Variants in SORCS2 observed in about 807,000 individuals in gnomAD.
The protein encoded by SORCS2 is VPS10 domain-containing receptor SorCS2.
A neutral mutation model predicts 141.6 loss-of-function variants in SORCS2; 100 were observed. The ratio of observed to expected loss-of-function variants is 0.71; its 90% confidence interval spans 0.60 to 0.83. The LOEUF (loss-of-function observed/expected upper bound fraction) is 0.83. Among genes scored for constraint, SORCS2 ranks in the 40% least tolerant of loss-of-function variants. The pLI, the probability that SORCS2 is intolerant of heterozygous loss-of-function variation, is 0.00. For missense variants in SORCS2, 1,646 were observed against 1,560.2 expected (o/e 1.05, Z -0.93); for synonymous variants, 789 against 676.9 (o/e 1.17, Z -2.57).
At chr4:7,675,299 C>T (rs1293363406) in intron 8 of SORCS2, among the ~76,000 whole-genome samples, 1 of 152,206 alleles carries the variant, frequency 6.6e-6, no homozygotes, top group Non-Finnish European at 1.5e-5. Context: ...GCCCTGGCTG[C>T]CCTTCAACCT....
chr4:7,512,864 C>G (rs1259432216), intron 2 of SORCS2, among the ~76,000 whole-genome samples: 1 of 152,210 alleles, frequency 6.6e-6, no homozygotes, highest in Non-Finnish European at 1.5e-5. Context: ...AGCTTCCTTC[C>G]AAAGCCCAGG....
chr4:7,569,226 A>C (rs1412926593), intron 3 of SORCS2, among the ~76,000 whole-genome samples: 1 of 152,184 alleles, frequency 6.6e-6, no homozygotes, highest in Non-Finnish European at 1.5e-5. Context: ...AGAAATATCC[A>C]CAGAGGCTGG....
At chr4:7,342,944 T>A (rs78305666) in intron 1 of SORCS2, among the ~76,000 whole-genome samples, 3,701 of 152,274 alleles carry the variant, frequency 0.024, 156 homozygotes, top group African/African-American at 0.083. Flanking sequence ...CCAAGGTCTC[T>A]GTCCTGGCTG....
At chr4:7,326,659 C>A (rs1719281538) in intron 1 of SORCS2, among the ~76,000 whole-genome samples, 1 of 152,260 alleles carries the variant, frequency 6.6e-6, no homozygotes, top group Non-Finnish European at 1.5e-5. Context: ...TGGGTACACA[C>A]CACAGTGATG....
At chr4:7,308,786 T>C (rs1300063629) in intron 1 of SORCS2, among the ~76,000 whole-genome samples, 3 of 151,294 alleles carry the variant, frequency 2.0e-5, no homozygotes, top group Non-Finnish European at 3.0e-5. Flanking sequence ...CCTCTCTCTC[T>C]AGCACCCTGT....
chr4:7,651,318 G>C (rs1429838958), intron 4 of SORCS2, among the ~76,000 whole-genome samples: 3 of 152,224 alleles, frequency 2.0e-5, no homozygotes, highest in Non-Finnish European at 4.4e-5. Flanking sequence ...AGGATTGTCA[G>C]CCCAGTTTTA....
chr4:7,463,818 T>C (rs1263659589), intron 2 of SORCS2, among the ~76,000 whole-genome samples: 1 of 152,130 alleles, frequency 6.6e-6, no homozygotes, highest in Non-Finnish European at 1.5e-5. Flanking sequence ...TACATACTGA[T>C]GCGTGCCGGA....
At chr4:7,678,639 G>A (rs986238333) in intron 9 of SORCS2, among the ~76,000 whole-genome samples, 7 of 150,154 alleles carry the variant, frequency 4.7e-5, no homozygotes, top group Admixed American at 4.7e-4. Flanking sequence ...ACACACACAG[G>A]CCTCAAGGTG....
chr4:7,358,270 G>C (rs1415291806), intron 1 of SORCS2, among the ~76,000 whole-genome samples: 1 of 152,256 alleles, frequency 6.6e-6, no homozygotes, highest in Non-Finnish European at 1.5e-5. Flanking sequence ...CCTGCTGCAT[G>C]CCAGGCACTT....
At chr4:7,457,253 C>T (rs1366644251) in intron 2 of SORCS2, among the ~76,000 whole-genome samples, 2 of 152,212 alleles carry the variant, frequency 1.3e-5, no homozygotes, top group Non-Finnish European at 2.9e-5. Context: ...CTGTCATCTC[C>T]ATGTAGATGG....
At chr4:7,526,835 A>C (rs1733727001) in intron 2 of SORCS2, among the ~76,000 whole-genome samples, 1 of 152,250 alleles carries the variant, frequency 6.6e-6, no homozygotes, top group Admixed American at 6.5e-5. Flanking sequence ...ATGGGTTTAA[A>C]ATAAAGAACA....
chr4:7,724,000 G>A (rs1011636549), intron 19 of SORCS2, 117 bp downstream of exon 19: 3 of 1,242,872 alleles, frequency 2.4e-6, no homozygotes, highest in Admixed American at 2.9e-5. Context: ...ACTCAGGACG[G>A]TGAACCCGAG....
At chr4:7,449,495 C>T (rs1176106471) in intron 2 of SORCS2, among the ~76,000 whole-genome samples, 8 of 148,222 alleles carry the variant, frequency 5.4e-5, no homozygotes, top group East Asian at 2.1e-4. Flanking sequence ...TACCACGTGA[C>T]GTTGTGCCTC....
chr4:7,467,257 A>T (rs1017937882), intron 2 of SORCS2, among the ~76,000 whole-genome samples: 43 of 152,266 alleles, frequency 2.8e-4, no homozygotes, highest in Non-Finnish European at 5.9e-4. Context: ...CACAGCCCCC[A>T]CGCTGCTGCC....
intron 1 of SORCS2, among the ~76,000 whole-genome samples, chr4:7,224,760 C>G (rs1001807683): frequency 6.6e-6 from 1 of 152,174 alleles, no homozygotes; most frequent in Non-Finnish European, 1.5e-5. Context: ...GGGTGGGGAT[C>G]AGGGGCCCCT....
chr4:7,543,967 T>TCCATCCATCCATCCAC (rs1713024612), intron 3 of SORCS2, among the ~76,000 whole-genome samples: 2 of 72,236 alleles, frequency 2.8e-5, no homozygotes, highest in South Asian at 5.5e-4. Flanking sequence ...CATCCATCCA[T>TCCATCCATCCATCCAC]CCATCCACCC....
At chr4:7,657,262 A>C (rs570995935) in intron 5 of SORCS2, among the ~76,000 whole-genome samples, 3 of 152,382 alleles carry the variant, frequency 2.0e-5, no homozygotes, top group Admixed American at 6.5e-5. Flanking sequence ...GACTCAGGAA[A>C]TGAATGAGTA....
chr4:7,286,785 C>T lies in SORCS2; in HGVS notation c.480+93659C>T, dbSNP rs567101418. Among the ~76,000 whole-genome samples the T allele has an allele frequency of 4.2e-4, 64 of 152,328 alleles. No homozygotes were observed. In the East Asian group the frequency reaches 0.011, roughly 27 times the overall value. Reference sequence around the variant, plus strand: ...CAGAGCAGATGATAACTGAGGCAGACTGGGAGGCGTCTTGGGTCCCAGACC... The same window carrying T: ...CAGAGCAGATGATAACTGAGGCAGATTGGGAGGCGTCTTGGGTCCCAGACC... On this transcript the variant is annotated intron_variant, in intron 1 of 26. Coordinates refer to ENST00000507866, the MANE Select transcript of SORCS2 (RefSeq NM_020777.3). The surrounding 1 kb of genome is among the most constrained non-coding windows in gnomAD (Gnocchi z 4.1).
chr4:7,565,552 A>G (rs564840979), intron 3 of SORCS2, among the ~76,000 whole-genome samples: 141 of 152,298 alleles, frequency 9.3e-4, no homozygotes, highest in Middle Eastern at 3.4e-3. Flanking sequence ...CGTGATGATG[A>G]TGATACCAAT....
Sources: allele counts gnomAD v4.1 joint callset (sites outside exome capture counted in the v4.1 genomes callset), GRCh38; gene constraint gnomAD v4.1.1; non-coding constraint Gnocchi (gnomAD v3.1); transcripts MANE v1.5; gene names NCBI Gene and HGNC (gene_info 2026-07-23, HGNC 2026-07-21).